Variants in MGA observed in about 807,000 individuals in gnomAD.
MGA encodes MAX dimerization protein MGA.
A neutral mutation model predicts 261.1 loss-of-function variants in MGA; 40 were observed. The observed-to-expected ratio is 0.15, with a 90% CI of 0.12 to 0.20. MGA has a LOEUF of 0.20. MGA is among the 10% of genes least tolerant of loss of function. MGA has a pLI of 1.00. For synonymous variants in MGA, 1,302 were observed against 1,290.6 expected (o/e 1.01, Z -0.19); for missense variants, 3,397 against 3,630.5 (o/e 0.94, Z 1.65).
At chr15:41,633,521 T>G (rs867866216) in intron 1 of MGA, among the ~76,000 whole-genome samples, 3 of 151,886 alleles carry the variant, frequency 2.0e-5, no homozygotes, top group African/African-American at 4.8e-5. Context: ...CAGAAAAAAA[T>G]AAAGCAGGGA....
At chr15:41,709,486 C>T (rs2151463069) in intron 7 of MGA, among the ~76,000 whole-genome samples, 1 of 152,172 alleles carries the variant, frequency 6.6e-6, no homozygotes, top group South Asian at 2.1e-4. Flanking sequence ...GCTCCATTGC[C>T]CAGGTTGGAG....
chr15:41,740,716 T>G (rs1055551506), intron 14 of MGA, among the ~76,000 whole-genome samples: 6 of 152,230 alleles, frequency 3.9e-5, no homozygotes, highest in African/African-American at 1.4e-4. Flanking sequence ...CTTAAACTTA[T>G]GAAACCAAGG....
At chr15:41,647,398 C>T (rs575354363) in intron 1 of MGA, among the ~76,000 whole-genome samples, 2 of 152,192 alleles carry the variant, frequency 1.3e-5, no homozygotes, top group East Asian at 1.9e-4. Context: ...CATTTACTTC[C>T]TCTCCTTGCA....
intron 9 of MGA, among the ~76,000 whole-genome samples, chr15:41,720,557 C>T (rs1352835336): frequency 2.6e-5 from 4 of 151,944 alleles, no homozygotes; most frequent in Non-Finnish European, 4.4e-5. Context: ...TAAGGCCAGA[C>T]GCGATGGCTT....
In MGA at chr15:41,743,004, T is replaced by A. The variant is rs751296361; in HGVS notation, c.5044T>A (p.Ser1682Thr). The A allele has an allele frequency of 1.2e-6, 2 of 1,613,850 alleles. No individual in the cohort carries two copies. Among genetic ancestry groups the A allele is most frequent in the East Asian group, 4.5e-5 (2 of 44,900 alleles). ...TGCTTTTCCTAAGTCTTTGGTAGCATCTCCTTCAACCATAACTCTTCCTGT... is the reference window on the plus strand; with the variant it reads ...TGCTTTTCCTAAGTCTTTGGTAGCAACTCCTTCAACCATAACTCTTCCTGT... The change falls in exon 15 of 24, where the codon TCT becomes ACT. Residue 1682 changes from serine (S) to threonine (T), a missense_variant. Coordinates refer to ENST00000219905, the MANE Select transcript of MGA (RefSeq NM_001164273.2).
chr15:41,747,191 C>T (rs1182269008), intron 15 of MGA, among the ~76,000 whole-genome samples: 4 of 152,072 alleles, frequency 2.6e-5, no homozygotes, highest in Non-Finnish European at 5.9e-5. Context: ...TCTTTGATGT[C>T]TCTTAATTTC....
intron 9 of MGA, among the ~76,000 whole-genome samples, chr15:41,725,229 T>C (rs987215439): frequency 1.3e-5 from 2 of 152,162 alleles, no homozygotes; most frequent in Non-Finnish European, 2.9e-5. Context: ...TCCCAGTGAC[T>C]CAGGAGGCTG....
At position 41,666,648 on chromosome 15, in the gene MGA, C is replaced by T. The variant is rs192278937; in HGVS notation, c.-67-2180C>T. On this transcript the variant is annotated intron_variant, in intron 1 of 23. Transcript: ENST00000219905. ...ATTTACAACTCTTCTGAACATTTTA[C>T]GCTTAATATATCTTGTAGATACTTT... Among the ~76,000 whole-genome samples the T allele has an allele frequency of 3.0e-3, 451 of 152,286 alleles. 6 individuals carry two copies. Among genetic ancestry groups the T allele is most frequent in the Non-Finnish European group, 1.0e-3 (71 of 68,022 alleles).
intron 1 of MGA, among the ~76,000 whole-genome samples, chr15:41,636,839 C>A (rs2056719834): frequency 6.6e-6 from 1 of 152,144 alleles, no homozygotes; most frequent in Non-Finnish European, 1.5e-5. Flanking sequence ...GCGTGAGCCA[C>A]CACACCTGGC....
intron 9 of MGA, among the ~76,000 whole-genome samples, chr15:41,726,448 A>G (rs2061252355): frequency 6.6e-6 from 1 of 152,142 alleles, no homozygotes; most frequent in Non-Finnish European, 1.5e-5. Flanking sequence ...TATCTTTTTG[A>G]CTAGGCATGG....
Position 41,734,822 on chromosome 15 carries a change from ATGT to A in MGA, c.3916+234_3916+236del, listed in dbSNP as rs571998067. On this transcript the variant is annotated intron_variant, in intron 12 of 23. Transcript: ENST00000219905. ...GAAAATTCATTCATGTTGATAAAGC[ATGT>A]TGTTGCAAGAGACATTTAGGTTGAG... 2.3e-3 allele frequency among the ~76,000 whole-genome samples: 357 copies of A among 152,058 alleles called. 1 individual carries two copies. The highest frequency in any genetic ancestry group is 8.2e-3 in the African/African-American group (342 of 41,478).
chr15:41,723,748 A>C (rs946031555), intron 9 of MGA, among the ~76,000 whole-genome samples: 1 of 152,084 alleles, frequency 6.6e-6, no homozygotes, highest in Non-Finnish European at 1.5e-5. Context: ...TGTCCTTCCA[A>C]TTTAAAACAT....
At chr15:41,712,788 G>A (rs571980672) in intron 8 of MGA, among the ~76,000 whole-genome samples, 261 of 152,302 alleles carry the variant, frequency 1.7e-3, no homozygotes, top group Non-Finnish European at 2.8e-3. Flanking sequence ...TGCTGTTGTA[G>A]TTCTTCAGAC....
chr15:41,686,399 C>T (rs1234673738), intron 2 of MGA, among the ~76,000 whole-genome samples: 1 of 152,078 alleles, frequency 6.6e-6, no homozygotes, highest in African/African-American at 2.4e-5. Flanking sequence ...GGCATGGTGG[C>T]ACACACCTGT....
At chr15:41,678,337 C>T (rs773414071) in intron 2 of MGA, among the ~76,000 whole-genome samples, 19 of 151,648 alleles carry the variant, frequency 1.3e-4, no homozygotes, top group Non-Finnish European at 1.3e-4. Flanking sequence ...GTGATCTGCC[C>T]GCCTCAGCCT....
intron 9 of MGA, among the ~76,000 whole-genome samples, chr15:41,713,824 G>A (rs1455647053): frequency 1.3e-5 from 2 of 152,154 alleles, no homozygotes; most frequent in Non-Finnish European, 2.9e-5. Flanking sequence ...GTAGACACAC[G>A]TACGTTCCTT....
rs754685008 is a variant in MGA at position 41,669,661 on chromosome 15, A to G, written c.767A>G (p.Lys256Arg). ...AAAATAGATTACAATCCATTTGCCA[A>G]AGGCTTTCGGGATGATGGGCTGAAT... Residue 256 changes from lysine to arginine, a missense_variant, in exon 2 of 24, where the codon AAA becomes AGA. Around this residue, in one of 9 missense-constraint regions of MGA, gnomAD observed 563 missense variants for 563.6 expected, o/e 1.00. Transcript: ENST00000219905. 4 of 1,613,700 alleles carry G rather than the reference A, an allele frequency of 2.5e-6. No individual in the cohort carries two copies. In the South Asian group the frequency reaches 3.3e-5, roughly 13 times the overall value.
In MGA at chr15:41,769,701, A is replaced by C. The variant is rs956719526; in HGVS notation, c.*2421A>C. Reference sequence around the variant, plus strand: ...CAGTGAGCTCTCACCCTAACACTATAAGAAGCATGATCTCAATAGACCAAT... The same window carrying C: ...CAGTGAGCTCTCACCCTAACACTATCAGAAGCATGATCTCAATAGACCAAT... On this transcript the variant is annotated 3_prime_UTR_variant, in exon 24 of 24. Transcript: ENST00000219905. 2 of 152,628 alleles carry C rather than the reference A, an allele frequency of 1.3e-5. No individual in the cohort carries two copies. The highest frequency in any genetic ancestry group is 4.8e-5 in the African/African-American group (2 of 41,446). 9.5% of individuals were successfully genotyped at this position (152,628 alleles called of 1,614,324 possible).
chr15:41,692,441 G>C (rs2059336671), intron 2 of MGA, among the ~76,000 whole-genome samples: 1 of 152,184 alleles, frequency 6.6e-6, no homozygotes, highest in Admixed American at 6.5e-5. Context: ...TTTTTGCAAA[G>C]ATCCTTTGCC....
Sources: gnomAD v4.1 joint callset for allele counts (sites outside exome capture counted in the v4.1 genomes callset) on GRCh38, gnomAD v4.1.1 for gene constraint, gnomAD v4.1.1 regional missense constraint, MANE v1.5 for transcripts, NCBI Gene and HGNC (gene_info 2026-07-23, HGNC 2026-07-21) for gene names.